The following SNAP47 variants were observed in gnomAD, a reference collection of about 807,000 sequenced individuals.
The protein encoded by SNAP47 is synaptosomal-associated protein 47.
SNAP47 carries 20 observed loss-of-function variants against 31.4 expected under a neutral mutation model. That is an observed-to-expected ratio of 0.64 (90% CI 0.45 to 0.93). The LOEUF (loss-of-function observed/expected upper bound fraction) is 0.93. Ranked by LOEUF, SNAP47 falls within the 40% of genes least tolerant of loss-of-function variation. The pLI, the probability that SNAP47 is intolerant of heterozygous loss-of-function variation, is 0.00. For missense variants in SNAP47, 492 were observed against 528.5 expected (o/e 0.93, Z 0.68); for synonymous variants, 194 against 213.4 (o/e 0.91, Z 0.79).
chr1:227,751,212 G>A (rs1040427071), intron 2 of SNAP47, among the ~76,000 whole-genome samples: 2 of 152,168 alleles, frequency 1.3e-5, no homozygotes, highest in Admixed American at 6.5e-5. Context: ...GGGACAGGCC[G>A]TCCTATGTTC....
chr1:227,779,882 GCCCTGCGTGCCT>G (rs1346031281), intron 4 of SNAP47, among the ~76,000 whole-genome samples: 1 of 152,090 alleles, frequency 6.6e-6, no homozygotes, highest in Non-Finnish European at 1.5e-5. Context: ...CACCTGCCTG[GCCCTGCGTGCCT>G]CCACCTTCTG....
At chr1:227,764,442 C>A (rs372469038) in intron 3 of SNAP47, among the ~76,000 whole-genome samples, 1 of 152,164 alleles carries the variant, frequency 6.6e-6, no homozygotes, top group Admixed American at 6.5e-5. Flanking sequence ...AAAGCCATGT[C>A]GTAGGTAGGG....
chr1:227,765,982 G>A (rs758897886), intron 3 of SNAP47, among the ~76,000 whole-genome samples: 5 of 152,184 alleles, frequency 3.3e-5, no homozygotes, highest in African/African-American at 4.8e-5. Context: ...TTTAGGGAGT[G>A]ATAGGCTAGA....
At chr1:227,755,094 C>T (rs1662612240) in intron 2 of SNAP47, among the ~76,000 whole-genome samples, 1 of 152,216 alleles carries the variant, frequency 6.6e-6, no homozygotes. Context: ...ATAGGAAACA[C>T]TTGCCATCTG....
At position 227,748,051 on chromosome 1, in the gene SNAP47, G is replaced by A; in HGVS notation, c.315G>A (p.Gln105=). The A allele has an allele frequency of 6.2e-7, 1 of 1,614,200 alleles. No homozygotes were observed. The change falls in exon 2 of 5, where the codon CAG becomes CAA. Residue 105 remains glutamine, a synonymous_variant. Transcript: ENST00000617596. ...EHFWRELLLS[Q]PGAVADASVP... Reference sequence around the variant, plus strand: ...TCTGGAGGGAGCTGCTGCTGTCTCAGCCTGGAGCCGTGGCAGACGCATCTG... The same window carrying A: ...TCTGGAGGGAGCTGCTGCTGTCTCAACCTGGAGCCGTGGCAGACGCATCTG...
In SNAP47 at chr1:227,763,872, C is replaced by T. The variant is rs775347395; in HGVS notation, c.989-3087C>T. On this transcript the variant is annotated intron_variant, in intron 3 of 4. Coordinates refer to ENST00000617596, the MANE Select transcript of SNAP47 (RefSeq NM_053052.4). This position sits in a 1 kb window ranked among gnomAD's most constrained non-coding sequence, Gnocchi z 4.2. ...CAGACAGGCTGGTGGCCCAGGTCCC[C>T]GCTCCCAGGCAGGTGCAGGCAGCCC... Among the ~76,000 whole-genome samples, 8 of 152,164 alleles carry T rather than the reference C, an allele frequency of 5.3e-5. No homozygotes were observed. The highest frequency in any genetic ancestry group is 9.7e-5 in the African/African-American group (4 of 41,446).
At chr1:227,734,603 C>T, upstream of SNAP47, 1 of 1,597,586 alleles carries the variant, frequency 6.3e-7, no homozygotes. Flanking sequence ...TCTGGGTTCA[C>T]GCAGCGCTAG....
upstream of SNAP47, chr1:227,732,904 G>A: frequency 6.2e-7 from 1 of 1,612,784 alleles, no homozygotes; most frequent in South Asian, 1.1e-5. Context: ...TGCCAGTCGG[G>A]CATGGAGTCC....
intron 1 of SNAP47, 130 bp downstream of exon 1, chr1:227,735,629 T>C (rs1236282105): frequency 7.6e-7 from 1 of 1,316,312 alleles, no homozygotes; most frequent in Non-Finnish European, 9.6e-7. Flanking sequence ...GGGTGGGGGG[T>C]ATGCGGGCTG....
At chr1:227,772,799 C>T (rs890010578) in intron 4 of SNAP47, among the ~76,000 whole-genome samples, 4 of 152,198 alleles carry the variant, frequency 2.6e-5, no homozygotes, top group Non-Finnish European at 4.4e-5. Context: ...TTTCCCAACA[C>T]CATCTGGTAA....
At chr1:227,733,060 C>T (rs774282474), upstream of SNAP47, 7 of 1,609,992 alleles carry the variant, frequency 4.3e-6, no homozygotes, top group Non-Finnish European at 5.9e-6. Flanking sequence ...AGGCCTGAGC[C>T]CATGGCAGGT....
intron 3 of SNAP47, among the ~76,000 whole-genome samples, chr1:227,760,793 G>A (rs1663009334): frequency 6.6e-6 from 1 of 152,222 alleles, no homozygotes; most frequent in South Asian, 2.1e-4. Flanking sequence ...CCCCACAGAT[G>A]TGCACGACTT....
chr1:227,742,783 G>A (rs571308442), intron 1 of SNAP47, among the ~76,000 whole-genome samples: 87 of 152,346 alleles, frequency 5.7e-4, no homozygotes, highest in African/African-American at 1.9e-3. Flanking sequence ...AGCCCCTCCT[G>A]TGGGTACTGG....
chr1:227,734,101 G>A, upstream of SNAP47: 1 of 1,547,914 alleles, frequency 6.5e-7, no homozygotes, highest in Non-Finnish European at 8.7e-7. Context: ...AGCACGAGTG[G>A]GGCAACTGAG....
Position 227,780,553 on chromosome 1 carries a change from C to G in SNAP47, c.1140C>G (p.Ala380=), listed in dbSNP as rs375123139. The G allele has an allele frequency of 5.0e-6, 8 of 1,613,996 alleles. No homozygotes were observed. Among genetic ancestry groups the G allele is most frequent in the Non-Finnish European group, 5.9e-6 (7 of 1,180,042 alleles). Residue 380 remains alanine (A), a synonymous_variant, in exon 5 of 5, where the codon GCC becomes GCG. Transcript: ENST00000617596. Reference sequence around the variant, plus strand: ...TCCTGAGGAGGATGAAGGGGCTGGCCCTGGAGGCCGAGAGTGAGCTGGAGA... The same window carrying G: ...TCCTGAGGAGGATGAAGGGGCTGGCGCTGGAGGCCGAGAGTGAGCTGGAGA... The part of the protein sequence containing the change: ...TQILRRMKGL[A]LEAESELERQ...
At chr1:227,732,984 T>G, upstream of SNAP47, 2 of 1,613,446 alleles carry the variant, frequency 1.2e-6, no homozygotes, top group South Asian at 2.2e-5. Flanking sequence ...GTTGGCCAGG[T>G]TGAAGCCATT....
chr1:227,780,657 T>C lies in SNAP47; in HGVS notation c.1244T>C (p.Met415Thr). Reference protein sequence around the residue: ...TLTIDKHNRRMKRLT With the variant: ...TLTIDKHNRRTKRLT ...ACCATCGACAAGCACAACAGGCGGATGAAGAGGCTGACCTAGGGGCAGAAC... is the reference window on the plus strand; with the variant it reads ...ACCATCGACAAGCACAACAGGCGGACGAAGAGGCTGACCTAGGGGCAGAAC... The change falls in exon 5 of 5, where the codon ATG becomes ACG. Residue 415 changes from methionine to threonine, a missense_variant. Physicochemically the swap from Met to Thr is moderately conservative, Grantham distance 81. Transcript: ENST00000617596. 6.2e-7 allele frequency: 1 copy of C among 1,614,134 alleles called. No individual in the cohort carries two copies. The highest frequency in any genetic ancestry group is 8.5e-7 in the Non-Finnish European group (1 of 1,180,012).
At chr1:227,743,313 T>G (rs1661742063) in intron 1 of SNAP47, among the ~76,000 whole-genome samples, 1 of 152,160 alleles carries the variant, frequency 6.6e-6, no homozygotes, top group African/African-American at 2.4e-5. Flanking sequence ...GAGGCCAGCC[T>G]TAAATCTCCT....
chr1:227,753,161 C>T (rs1470824634), intron 2 of SNAP47, among the ~76,000 whole-genome samples: 2 of 152,204 alleles, frequency 1.3e-5, no homozygotes, highest in Admixed American at 1.3e-4. Flanking sequence ...TGGATGGACA[C>T]GTGGTTTCCA....
Sources: allele counts gnomAD v4.1 joint callset (sites outside exome capture counted in the v4.1 genomes callset), GRCh38; gene constraint gnomAD v4.1.1; non-coding constraint Gnocchi (gnomAD v3.1); transcripts MANE v1.5; gene names NCBI Gene and HGNC (gene_info 2026-07-23, HGNC 2026-07-21).